Variants in LNX1 observed in about 807,000 individuals in gnomAD.
The protein encoded by LNX1 is E3 ubiquitin-protein ligase LNX.
Under a neutral mutation model 68.4 loss-of-function variants are expected in LNX1, and 54 were observed. That is an observed-to-expected ratio of 0.79 (90% CI 0.63 to 0.99). The LOEUF (loss-of-function observed/expected upper bound fraction) is 0.99. Among genes scored for constraint, LNX1 ranks in the 50% least tolerant of loss-of-function variants. LNX1 has a pLI of 0.00. For missense variants in LNX1, 906 were observed against 926.4 expected (o/e 0.98, Z 0.29); for synonymous variants, 336 against 350.0 (o/e 0.96, Z 0.45).
intron 1 of LNX1, among the ~76,000 whole-genome samples, chr4:53,636,662 T>G (rs1398989454): frequency 6.6e-6 from 1 of 152,164 alleles, no homozygotes; most frequent in African/African-American, 2.4e-5. Context: ...ATTCACTTAC[T>G]TTGATAGTAA....
At chr4:53,569,139 CT>C (rs1371409681) in intron 2 of LNX1, among the ~76,000 whole-genome samples, 1 of 152,020 alleles carries the variant, frequency 6.6e-6, no homozygotes, top group Non-Finnish European at 1.5e-5. Flanking sequence ...CAATGCCTTT[CT>C]TCACAGAATT....
intron 1 of LNX1, among the ~76,000 whole-genome samples, chr4:53,644,256 A>G (rs1282994091): frequency 6.6e-6 from 1 of 151,896 alleles, no homozygotes; most frequent in Non-Finnish European, 1.5e-5. Flanking sequence ...CAAAAATTAG[A>G]TGGTTATGGT....
At chr4:53,486,835 G>T (rs1473489548) in intron 6 of LNX1, among the ~76,000 whole-genome samples, 1 of 152,182 alleles carries the variant, frequency 6.6e-6, no homozygotes, top group African/African-American at 2.4e-5. Context: ...ATTTTGCAGA[G>T]CTATACACTG....
intron 2 of LNX1, among the ~76,000 whole-genome samples, chr4:53,554,743 T>G (rs1729771439): frequency 6.6e-6 from 1 of 151,924 alleles, no homozygotes. Flanking sequence ...TCCCAGCTAC[T>G]TGGGAGGCTG....
chr4:53,594,043 C>T (rs1477151881), upstream of LNX1: 1 of 151,952 alleles, frequency 6.6e-6, no homozygotes, highest in East Asian at 1.9e-4. Context: ...AAGTAGAAAC[C>T]TGTAGAAGTA....
chr4:53,490,781 T>A (rs1472846874), intron 6 of LNX1, among the ~76,000 whole-genome samples: 1 of 152,224 alleles, frequency 6.6e-6, no homozygotes, highest in East Asian at 1.9e-4. Context: ...GGTATTTAGT[T>A]TAATCCCCTC....
At chr4:53,578,391 C>A (rs1436016559) in intron 1 of LNX1, among the ~76,000 whole-genome samples, 1 of 152,198 alleles carries the variant, frequency 6.6e-6, no homozygotes, top group Non-Finnish European at 1.5e-5. Context: ...GTCTATGGCT[C>A]TTACGCTGCA....
intron 2 of LNX1, among the ~76,000 whole-genome samples, chr4:53,559,290 C>G (rs1038535646): frequency 2.0e-5 from 3 of 152,174 alleles, no homozygotes; most frequent in Non-Finnish European, 4.4e-5. Context: ...AGATGAACAA[C>G]CTTGATAAAA....
intron 2 of LNX1, among the ~76,000 whole-genome samples, chr4:53,606,451 A>C (rs1733237169): frequency 6.8e-6 from 1 of 146,544 alleles, no homozygotes; most frequent in Admixed American, 7.1e-5. Context: ...AAAGCCTACC[A>C]ACCAGAAAAA....
intron 2 of LNX1, among the ~76,000 whole-genome samples, chr4:53,545,808 T>C: frequency 9.9e-6 from 1 of 101,282 alleles, no homozygotes; most frequent in African/African-American, 3.3e-5. Flanking sequence ...CCACATTTTT[T>C]TTTTTTTTTT....
intron 1 of LNX1, among the ~76,000 whole-genome samples, chr4:53,586,533 T>C (rs1197589853): frequency 6.6e-6 from 1 of 152,180 alleles, no homozygotes; most frequent in Non-Finnish European, 1.5e-5. Context: ...TCATGGAGTC[T>C]AAGTCCACAT....
At chr4:53,560,772 G>C (rs1730230073) in intron 2 of LNX1, among the ~76,000 whole-genome samples, 1 of 152,122 alleles carries the variant, frequency 6.6e-6, no homozygotes, top group South Asian at 2.1e-4. Context: ...GTAATCCTGG[G>C]CTTCCTACCC....
chr4:53,461,066 T>TAG, intron 10 of LNX1, 24 bp from the exon 11 acceptor site: 1 of 1,539,072 alleles, frequency 6.5e-7, no homozygotes, highest in Non-Finnish European at 8.7e-7. Context: ...CAAAACAAGA[T>TAG]ATGATTAGTA....
chr4:53,570,444 CAT>C (rs1326625509), intron 2 of LNX1, among the ~76,000 whole-genome samples: 1 of 135,564 alleles, frequency 7.4e-6, no homozygotes, highest in Non-Finnish European at 1.5e-5. Context: ...TATTCTGACT[CAT>C]AGGTGGGAAT....
At chr4:53,572,289 T>C (rs1391249485) in intron 2 of LNX1, among the ~76,000 whole-genome samples, 1 of 152,168 alleles carries the variant, frequency 6.6e-6, no homozygotes, top group African/African-American at 2.4e-5. Flanking sequence ...CATCTATTTC[T>C]GGGGAATGAG....
intron 1 of LNX1, among the ~76,000 whole-genome samples, chr4:53,589,979 C>A (rs1472931714): frequency 6.6e-6 from 1 of 152,096 alleles, no homozygotes; most frequent in Non-Finnish European, 1.5e-5. Flanking sequence ...AAACCAGAGG[C>A]AATGTAATCT....
chr4:53,574,983 T>A (rs199972385), intron 1 of LNX1, among the ~76,000 whole-genome samples: 35,106 of 85,380 alleles, frequency 0.41, 4,883 homozygotes, highest in Non-Finnish European at 0.47. Flanking sequence ...AGATATTTCG[T>A]TTTTTTTTTT....
At chr4:53,609,223 C>G (rs973086555) in intron 2 of LNX1, among the ~76,000 whole-genome samples, 5 of 151,736 alleles carry the variant, frequency 3.3e-5, no homozygotes, top group Non-Finnish European at 1.5e-5. Flanking sequence ...CTGTGACATG[C>G]AATTTACCTA....
At chr4:53,579,400 C>T (rs1250551211) in intron 1 of LNX1, 2 of 343,828 alleles carry the variant, frequency 5.8e-6, no homozygotes, top group Non-Finnish European at 8.2e-6. Context: ...AACCCCCAAT[C>T]TAGTGCTGAA....
Sources: gnomAD v4.1 joint callset for allele counts (sites outside exome capture counted in the v4.1 genomes callset) on GRCh38, gnomAD v4.1.1 for gene constraint, MANE v1.5 for transcripts, NCBI Gene and HGNC (gene_info 2026-07-23, HGNC 2026-07-21) for gene names.